ARHGAP15: variants seen among roughly 807,000 people sequenced by gnomAD.
ARHGAP15 encodes rho GTPase-activating protein 15.
A neutral mutation model predicts 63.7 loss-of-function variants in ARHGAP15; 51 were observed. The observed-to-expected ratio is 0.80, with a 90% CI of 0.64 to 1.01. The LOEUF (loss-of-function observed/expected upper bound fraction) is 1.01, where lower values mean the gene tolerates loss of function less well. Among genes scored for constraint, ARHGAP15 ranks in the 50% least tolerant of loss-of-function variants. The pLI, the probability that ARHGAP15 is intolerant of heterozygous loss-of-function variation, is 0.00. For missense variants in ARHGAP15, 560 were observed against 564.6 expected (o/e 0.99, Z 0.08); for synonymous variants, 191 against 193.8 (o/e 0.99, Z 0.12).
chr2:143,552,673 A>G (rs1695622304), intron 10 of ARHGAP15, among the ~76,000 whole-genome samples: 1 of 152,200 alleles, frequency 6.6e-6, no homozygotes, highest in Non-Finnish European at 1.5e-5. Flanking sequence ...CTGATGATGA[A>G]CGAATAAACA....
chr2:143,739,542 C>G (rs978879704), intron 13 of ARHGAP15, among the ~76,000 whole-genome samples: 1 of 152,114 alleles, frequency 6.6e-6, no homozygotes, highest in Non-Finnish European at 1.5e-5. Context: ...TTAAAATTTG[C>G]TCAAAGCTCC....
intron 13 of ARHGAP15, among the ~76,000 whole-genome samples, chr2:143,734,798 A>G (rs1365338849): frequency 1.3e-5 from 2 of 152,232 alleles, no homozygotes; most frequent in African/African-American, 2.4e-5. Flanking sequence ...TTCTACATGG[A>G]TATGTATACA....
chr2:143,263,991 G>GT (rs1479121331), intron 6 of ARHGAP15, among the ~76,000 whole-genome samples: 13 of 123,332 alleles, frequency 1.1e-4, no homozygotes, highest in South Asian at 8.8e-4. Context: ...CAGGCTTGAG[G>GT]TTTTTTTTCA....
intron 1 of ARHGAP15, among the ~76,000 whole-genome samples, chr2:143,138,221 A>G (rs1245845478): frequency 1.3e-5 from 2 of 152,104 alleles, no homozygotes; most frequent in Non-Finnish European, 2.9e-5. Context: ...TTTGGTATCC[A>G]CAAAAATCAT....
At chr2:143,220,957 A>C (rs1692971139) in intron 4 of ARHGAP15, among the ~76,000 whole-genome samples, 1 of 152,052 alleles carries the variant, frequency 6.6e-6, no homozygotes, top group Non-Finnish European at 1.5e-5. Context: ...AACAGTATTA[A>C]CCTCTTATTT....
At chr2:143,605,984 G>A (rs1443269319) in intron 11 of ARHGAP15, among the ~76,000 whole-genome samples, 9 of 135,454 alleles carry the variant, frequency 6.6e-5, no homozygotes, top group East Asian at 2.3e-4. Flanking sequence ...TGCAGTGAGC[G>A]GAGATGGTGC....
intron 10 of ARHGAP15, among the ~76,000 whole-genome samples, chr2:143,541,189 T>C (rs1695031348): frequency 6.6e-6 from 1 of 152,256 alleles, no homozygotes; most frequent in Non-Finnish European, 1.5e-5. Context: ...GGCTTGTGTA[T>C]TCATCATGTA....
intron 12 of ARHGAP15, among the ~76,000 whole-genome samples, chr2:143,664,101 G>C (rs1416033517): frequency 6.6e-6 from 1 of 151,980 alleles, no homozygotes; most frequent in African/African-American, 2.4e-5. Flanking sequence ...CAAATCAACA[G>C]AATATACATT....
At chr2:143,542,856 AT>A (rs1452054950) in intron 10 of ARHGAP15, among the ~76,000 whole-genome samples, 2 of 141,904 alleles carry the variant, frequency 1.4e-5, no homozygotes, top group African/African-American at 2.6e-5. Flanking sequence ...GATATATATA[AT>A]ATCACATATA....
intron 12 of ARHGAP15, among the ~76,000 whole-genome samples, chr2:143,678,123 A>C (rs1682918271): frequency 6.6e-6 from 1 of 152,178 alleles, no homozygotes; most frequent in African/African-American, 2.4e-5. Context: ...AGATAGGAGA[A>C]TCACCTGAGC....
chr2:143,328,649 G>T (rs11673797), intron 6 of ARHGAP15, among the ~76,000 whole-genome samples: 1 of 152,014 alleles, frequency 6.6e-6, no homozygotes, highest in Non-Finnish European at 1.5e-5. Flanking sequence ...CGAGTTGATG[G>T]GTGCAGCAAA....
At chr2:143,253,233 T>C (rs962578578) in intron 6 of ARHGAP15, among the ~76,000 whole-genome samples, 2 of 123,750 alleles carry the variant, frequency 1.6e-5, no homozygotes, top group Admixed American at 8.7e-5. Flanking sequence ...GATTAGCAAT[T>C]GTATGCCATG....
At chr2:143,199,211 C>T (rs368326601) in intron 2 of ARHGAP15, among the ~76,000 whole-genome samples, 78 of 152,188 alleles carry the variant, frequency 5.1e-4, no homozygotes, top group African/African-American at 1.4e-3. Flanking sequence ...ACTAAGTATT[C>T]TGCCCTCAGT....
intron 6 of ARHGAP15, among the ~76,000 whole-genome samples, chr2:143,274,857 A>C (rs777956600): frequency 1.3e-5 from 2 of 152,148 alleles, no homozygotes; most frequent in Non-Finnish European, 2.9e-5. Context: ...CTCTTGGTAA[A>C]ATTCCCGAAT....
At chr2:143,210,853 C>A (rs904457161) in intron 3 of ARHGAP15, among the ~76,000 whole-genome samples, 47 of 152,072 alleles carry the variant, frequency 3.1e-4, no homozygotes, top group Admixed American at 3.1e-3. Context: ...TCTTCACATG[C>A]AATCATTGCA....
chr2:143,702,345 G>A (rs911279532), intron 12 of ARHGAP15, among the ~76,000 whole-genome samples: 1 of 151,948 alleles, frequency 6.6e-6, no homozygotes, highest in Non-Finnish European at 1.5e-5. Flanking sequence ...AAATCAATGT[G>A]GTATGCAGTT....
intron 13 of ARHGAP15, among the ~76,000 whole-genome samples, chr2:143,727,392 C>T (rs1018561396): frequency 6.6e-6 from 1 of 151,978 alleles, no homozygotes; most frequent in African/African-American, 2.4e-5. Context: ...CCATATATCA[C>T]CTATATTTCA....
At chr2:143,530,635 T>C (rs1049801152) in intron 10 of ARHGAP15, among the ~76,000 whole-genome samples, 3 of 152,184 alleles carry the variant, frequency 2.0e-5, no homozygotes, top group African/African-American at 7.2e-5. Context: ...CTAGGTAATC[T>C]TTCACCATCA....
chr2:143,396,252 AT>A (rs1352384788), intron 6 of ARHGAP15, among the ~76,000 whole-genome samples: 1 of 152,112 alleles, frequency 6.6e-6, no homozygotes, highest in African/African-American at 2.4e-5. Flanking sequence ...GAAACTAAAC[AT>A]TTATATTATT....
Sources: allele counts gnomAD v4.1 joint callset (sites outside exome capture counted in the v4.1 genomes callset), GRCh38; gene constraint gnomAD v4.1.1; transcripts MANE v1.5; gene names NCBI Gene and HGNC (gene_info 2026-07-23, HGNC 2026-07-21).